Variants in NUP54 observed in about 807,000 individuals in gnomAD.
NUP54 encodes the protein nucleoporin 54.
Under a neutral mutation model 66.4 loss-of-function variants are expected in NUP54, and 27 were observed. That is an observed-to-expected ratio of 0.41 (90% CI 0.30 to 0.56). The LOEUF (loss-of-function observed/expected upper bound fraction) is 0.56. Among genes scored for constraint, NUP54 ranks in the 20% least tolerant of loss-of-function variants. The probability of loss-of-function intolerance (pLI) is 0.34; values close to 1 mark genes in which losing one functional copy is unlikely to be tolerated. For missense variants in NUP54, 486 were observed against 596.3 expected (o/e 0.82, Z 1.93); for synonymous variants, 206 against 210.7 (o/e 0.98, Z 0.19).
chr4:76,115,632 C>T, intron 11 of NUP54, 138 bp from the exon 12 acceptor site: 1 of 491,916 alleles, frequency 2.0e-6, no homozygotes, highest in Non-Finnish European at 3.4e-6. Context: ...AGAGGGCATG[C>T]ATATTTAAAC....
intron 11 of NUP54, among the ~76,000 whole-genome samples, chr4:76,115,998 C>T (rs1729935321): frequency 6.6e-6 from 1 of 152,146 alleles, no homozygotes. Context: ...ATTTAAAATC[C>T]TTTTGAGCCC....
At chr4:76,140,547 G>A (rs1731225562) in intron 3 of NUP54, among the ~76,000 whole-genome samples, 1 of 152,062 alleles carries the variant, frequency 6.6e-6, no homozygotes, top group African/African-American at 2.4e-5. Flanking sequence ...CAAAGTGCTG[G>A]GATTACAGAT....
intron 3 of NUP54, 85 bp from the exon 4 acceptor site, chr4:76,136,497 G>A (rs1578687847): frequency 2.0e-6 from 2 of 1,000,228 alleles, no homozygotes; most frequent in East Asian, 2.4e-5. Context: ...CAAAATAATG[G>A]CCCCCTCCAA....
intron 9 of NUP54, among the ~76,000 whole-genome samples, chr4:76,119,606 A>C (rs1204418343): frequency 6.6e-6 from 1 of 151,468 alleles, no homozygotes; most frequent in Non-Finnish European, 1.5e-5. Context: ...TCAAACTCCT[A>C]AACTCAAATG....
In NUP54 at chr4:76,130,825, C is replaced by T. The variant is rs549366783; in HGVS notation, c.963-76G>A. 574 of 919,440 alleles carry T rather than the reference C, an allele frequency of 6.2e-4. 3 individuals are homozygous for T. In the South Asian group the frequency reaches 7.5e-3, roughly 12 times the overall value. 57.0% of individuals were successfully genotyped at this position (919,440 alleles called of 1,614,324 possible). A position where few individuals can be genotyped will look rare whatever the true frequency, so the allele number is the denominator to read the frequency against. On this transcript the variant is annotated intron_variant, in intron 7 of 11. Coordinates refer to ENST00000264883, the MANE Select transcript of NUP54 (RefSeq NM_017426.4). ...ATACAAGAAGTGAAGGTTTTAGTAA[C>T]ACTCATGTAATTTTACATCAACTTT...
At position 76,117,766 on chromosome 4, in the gene NUP54, T is replaced by C. The variant is rs776518357; in HGVS notation, c.1293A>G (p.Leu431=). 4 of 1,613,222 alleles carry C rather than the reference T, an allele frequency of 2.5e-6. No individual in the cohort carries two copies. Among genetic ancestry groups the C allele is most frequent in the East Asian group, 4.5e-5 (2 of 44,866 alleles). ...LNAPTQFKGR[L]NELMSQIRMQ... ...TCCTGATTTGAGACATCAATTCATTTAGTCGGCCCTAAAAGTTAAGACTGA... is the reference window on the plus strand; with the variant it reads ...TCCTGATTTGAGACATCAATTCATTCAGTCGGCCCTAAAAGTTAAGACTGA... Residue 431 remains leucine, a synonymous_variant, in exon 11 of 12, where the codon CTA becomes CTG. Coordinates refer to ENST00000264883, the MANE Select transcript of NUP54 (RefSeq NM_017426.4).
intron 9 of NUP54, among the ~76,000 whole-genome samples, chr4:76,121,485 T>G (rs528474435): frequency 5.3e-4 from 80 of 152,332 alleles, no homozygotes; most frequent in Middle Eastern, 6.8e-3. Flanking sequence ...AGGGTCTCCC[T>G]ATGTTGCCCA....
intron 3 of NUP54, among the ~76,000 whole-genome samples, chr4:76,139,302 A>C (rs1433712024): frequency 6.6e-6 from 1 of 152,212 alleles, no homozygotes; most frequent in African/African-American, 2.4e-5. Context: ...AGCATCACCA[A>C]AAGTGAGATA....
intron 6 of NUP54, among the ~76,000 whole-genome samples, 192 bp from the exon 7 acceptor site, chr4:76,131,476 A>T (rs543617202): frequency 2.6e-5 from 4 of 152,080 alleles, no homozygotes; most frequent in Non-Finnish European, 2.9e-5. Flanking sequence ...ATTGAAAGGA[A>T]CTATCTATAA....
At chr4:76,124,777 G>A (rs755167866) in intron 8 of NUP54, 21 bp from the exon 9 acceptor site, 7 of 719,342 alleles carry the variant, frequency 9.7e-6, no homozygotes, top group South Asian at 7.4e-5. Context: ...AAAAATTGGG[G>A]GGGGGAGGGT....
intron 11 of NUP54, 101 bp from the exon 12 acceptor site, chr4:76,115,595 A>G: frequency 1.2e-6 from 1 of 805,046 alleles, no homozygotes; most frequent in Non-Finnish European, 1.9e-6. Context: ...TACTAGCAAC[A>G]CAGTACCTAG....
intron 9 of NUP54, among the ~76,000 whole-genome samples, chr4:76,122,278 T>C (rs754840075): frequency 2.6e-5 from 4 of 152,220 alleles, no homozygotes; most frequent in African/African-American, 7.2e-5. Context: ...TTGGTCCGAT[T>C]TGAGGTATAC....
intron 11 of NUP54, 112 bp from the exon 12 acceptor site, chr4:76,115,606 T>C (rs1729918754): frequency 1.5e-6 from 1 of 684,190 alleles, no homozygotes; most frequent in Admixed American, 3.8e-5. Flanking sequence ...CAGTACCTAG[T>C]AAGTGCTCTA....
chr4:76,116,922 CA>C (rs2109848799), intron 11 of NUP54, among the ~76,000 whole-genome samples: 1 of 152,196 alleles, frequency 6.6e-6, no homozygotes, highest in South Asian at 2.1e-4. Flanking sequence ...TAAACAGTGG[CA>C]AAACAGGCAT....
intron 8 of NUP54, among the ~76,000 whole-genome samples, chr4:76,125,865 G>GGAGAGAGAGA (rs72044977): frequency 6.1e-4 from 55 of 90,126 alleles, no homozygotes; most frequent in East Asian, 2.2e-3. Flanking sequence ...GGAGGGGGAG[G>GGAGAGAGAGA]GAGAGAGAGA....
chr4:76,118,483 G>A (rs1480571096), intron 9 of NUP54: 2 of 228,814 alleles, frequency 8.7e-6, no homozygotes, highest in African/African-American at 4.8e-5. Context: ...TGTGGCTCAA[G>A]TGATCCTCCT....
At chr4:76,139,232 T>G (rs974484220) in intron 3 of NUP54, among the ~76,000 whole-genome samples, 2 of 152,034 alleles carry the variant, frequency 1.3e-5, no homozygotes, top group Non-Finnish European at 2.9e-5. Context: ...AATGAAACCA[T>G]TAGGTTAAAG....
chr4:76,124,480 T>C, intron 9 of NUP54, 169 bp downstream of exon 9: 1 of 412,548 alleles, frequency 2.4e-6, no homozygotes, highest in Non-Finnish European at 4.3e-6. Flanking sequence ...CTCAAACCTA[T>C]GAGACTTGTT....
At chr4:76,139,228 ACC>A (rs1346418184) in intron 3 of NUP54, among the ~76,000 whole-genome samples, 2 of 152,136 alleles carry the variant, frequency 1.3e-5, no homozygotes, top group Non-Finnish European at 2.9e-5. Flanking sequence ...AAGGAATGAA[ACC>A]ATTAGGTTAA....
Sources: allele counts gnomAD v4.1 joint callset (sites outside exome capture counted in the v4.1 genomes callset), GRCh38; gene constraint gnomAD v4.1.1; transcripts MANE v1.5; gene names NCBI Gene and HGNC (gene_info 2026-07-23, HGNC 2026-07-21).